GABRR3: variants seen among roughly 807,000 people sequenced by gnomAD.
GABRR3 encodes the protein gamma-aminobutyric acid receptor subunit rho-3.
A neutral mutation model predicts 43.2 loss-of-function variants in GABRR3; 29 were observed. That is an observed-to-expected ratio of 0.67 (90% confidence interval 0.50 to 0.92). The LOEUF (loss-of-function observed/expected upper bound fraction) is 0.92, where lower values mean the gene tolerates loss of function less well. Ranked by LOEUF, GABRR3 falls within the 40% of genes least tolerant of loss-of-function variation. The pLI is 0.00. For missense variants in GABRR3, 576 were observed against 572.3 expected, an observed-to-expected ratio of 1.01 and a Z score of -0.07; for synonymous variants, 206 against 195.9, an observed-to-expected ratio of 1.05 and a Z score of -0.43.
At chr3:98,009,094 G>C in intron 5 of GABRR3, 56 bp from the exon 6 acceptor site, 1 of 1,124,648 alleles carries the variant, frequency 8.9e-7, no homozygotes. Context: ...CTGGCCAAAT[G>C]AGCATGCAAC....
chr3:98,018,359 T>C (rs1335695123), intron 3 of GABRR3, among the ~76,000 whole-genome samples: 2 of 152,182 alleles, frequency 1.3e-5, no homozygotes, highest in Non-Finnish European at 2.9e-5. Flanking sequence ...GCTGCATTTG[T>C]GAAGAAGCAA....
intron 8 of GABRR3, chr3:98,000,019 A>G (rs1706616545): frequency 1.3e-5 from 2 of 152,084 alleles, no homozygotes; most frequent in African/African-American, 4.8e-5. Flanking sequence ...AGGGCAAATT[A>G]TCTTTGAAAA....
chr3:97,999,097 A>G (rs1372639674), intron 8 of GABRR3: 3 of 152,140 alleles, frequency 2.0e-5, no homozygotes, highest in Non-Finnish European at 4.4e-5. Flanking sequence ...CCCGAACAGA[A>G]TGAGGAAAAG....
rs6798050 is a variant in GABRR3, at chr3:98,008,045, G to T, written c.614-141C>A. On this transcript the variant is annotated intron_variant, in intron 6 of 9. Transcript: ENST00000621172. ...CATATTAGGTGATAAAAATATGTTT[G>T]CCAATGGACTGATCATACACACACT... 3.9e-3 allele frequency: 2,585 copies of T among 662,092 alleles called. 37 individuals are homozygous for T. Among genetic ancestry groups the T allele is most frequent in the African/African-American group, 0.033 (1,784 of 54,230 alleles). 41.0% of individuals were successfully genotyped at this position (662,092 alleles called of 1,614,324 possible).
rs373931407 is a variant in GABRR3, at chr3:97,988,809, G to A, written c.1105-1827C>T. On this transcript the variant is annotated intron_variant, in intron 9 of 9. Transcript: ENST00000621172. ...TTGGTAGTGGTGGATGGTGGTCATGGTGGGTGGCGGTAAGTGGTGGTGGTG... is the reference window on the plus strand; with the variant it reads ...TTGGTAGTGGTGGATGGTGGTCATGATGGGTGGCGGTAAGTGGTGGTGGTG... 2.0e-5 allele frequency among the ~76,000 whole-genome samples: 3 copies of A among 151,674 alleles called. No homozygotes were observed. In the East Asian group the frequency reaches 5.8e-4, roughly 29 times the overall value.
exon 10 of GABRR3, chr3:97,986,783 A>G: frequency 6.2e-7 from 1 of 1,610,370 alleles, no homozygotes; most frequent in South Asian, 1.1e-5. Flanking sequence ...TTCCAGAATG[A>G]TTCTACCAAC....
At chr3:98,009,082 A>G (rs748300043) in intron 5 of GABRR3, 44 bp from the exon 6 acceptor site, 1 of 1,248,304 alleles carries the variant, frequency 8.0e-7, no homozygotes, top group Admixed American at 2.0e-5. Flanking sequence ...TCATTTAACC[A>G]TCTGGCCAAA....
intron 4 of GABRR3, among the ~76,000 whole-genome samples, chr3:98,016,384 C>T (rs941220937): frequency 6.6e-6 from 1 of 152,148 alleles, no homozygotes; most frequent in African/African-American, 2.4e-5. Flanking sequence ...CCCCCCATTC[C>T]TCCTTCTCTT....
chr3:98,022,501 A>G (rs1406698521), intron 3 of GABRR3, among the ~76,000 whole-genome samples: 1 of 152,222 alleles, frequency 6.6e-6, no homozygotes, highest in Admixed American at 6.5e-5. Flanking sequence ...AAGAAAGAAG[A>G]TAAATTAAAG....
chr3:97,992,815 T>C (rs368379052), intron 9 of GABRR3, 37 bp downstream of exon 9: 2 of 1,546,310 alleles, frequency 1.3e-6, no homozygotes, highest in Non-Finnish European at 1.8e-6. Flanking sequence ...CTTTTCCACA[T>C]TCCCCAAGGG....
intron 9 of GABRR3, among the ~76,000 whole-genome samples, chr3:97,990,771 T>G (rs1706456519): frequency 6.6e-6 from 1 of 150,824 alleles, no homozygotes; most frequent in Non-Finnish European, 1.5e-5. Context: ...GAATGGTGGT[T>G]TCCAGGGCCT....
intron 9 of GABRR3, among the ~76,000 whole-genome samples, chr3:97,989,961 G>C (rs1054701008): frequency 6.6e-6 from 1 of 151,932 alleles, no homozygotes; most frequent in Non-Finnish European, 1.5e-5. Flanking sequence ...TCTAATACTG[G>C]CTTCCAACTC....
At chr3:97,990,752 G>A (rs951138310) in intron 9 of GABRR3, among the ~76,000 whole-genome samples, 1 of 152,066 alleles carries the variant, frequency 6.6e-6, no homozygotes, top group Non-Finnish European at 1.5e-5. Context: ...AGATAATTGA[G>A]GATGCTTAGA....
chr3:98,030,188 C>T (rs746271736), intron 2 of GABRR3, among the ~76,000 whole-genome samples: 17 of 151,422 alleles, frequency 1.1e-4, no homozygotes, highest in Non-Finnish European at 2.2e-4. Context: ...GTAAACTCCC[C>T]TAGAAATTCA....
At chr3:98,033,699 T>G (rs1179248570) in intron 2 of GABRR3, among the ~76,000 whole-genome samples, 1 of 152,092 alleles carries the variant, frequency 6.6e-6, no homozygotes, top group Non-Finnish European at 1.5e-5. Context: ...TGAAAAAAAA[T>G]AGAGTCTGGT....
chr3:98,033,026 G>C (rs1157206163), intron 2 of GABRR3, among the ~76,000 whole-genome samples: 1 of 152,028 alleles, frequency 6.6e-6, no homozygotes, highest in Non-Finnish European at 1.5e-5. Context: ...CTGTATTTTG[G>C]TCAAATGCCC....
intron 9 of GABRR3, 88 bp downstream of exon 9, chr3:97,992,764 G>C: frequency 8.0e-7 from 1 of 1,248,978 alleles, no homozygotes; most frequent in Non-Finnish European, 1.1e-6. Context: ...TAATACAAAG[G>C]CTTACAACAC....
chr3:98,035,273 G>T (rs1576055339), exon 1 of GABRR3: 1 of 366,474 alleles, frequency 2.7e-6, no homozygotes. Flanking sequence ...TCCGGGGAAG[G>T]TTTTTAGTGT....
chr3:97,999,584 A>G (rs1041154263), intron 8 of GABRR3: 1 of 152,128 alleles, frequency 6.6e-6, no homozygotes, highest in African/African-American at 2.4e-5. Context: ...TAAGGAGTGG[A>G]AGAAAAAGCA....
Sources: allele counts gnomAD v4.1 joint callset (sites outside exome capture counted in the v4.1 genomes callset), GRCh38; gene constraint gnomAD v4.1.1; transcripts MANE v1.5; gene names NCBI Gene and HGNC (gene_info 2026-07-23, HGNC 2026-07-21).